Variants in SLC27A2 observed in about 807,000 individuals in gnomAD.
SLC27A2 encodes the protein solute carrier family 27 member 2.
SLC27A2 carries 54 observed loss-of-function variants against 60.0 expected under a neutral mutation model. The ratio of observed to expected loss-of-function variants is 0.90; its 90% CI spans 0.72 to 1.13. The LOEUF (loss-of-function observed/expected upper bound fraction) is 1.13. Among genes scored for constraint, SLC27A2 ranks in the 50% most tolerant of loss-of-function variants. The pLI is 0.00. For synonymous variants in SLC27A2, 297 were observed against 297.6 expected, an observed-to-expected ratio of 1.00 and a Z score of 0.02; for missense variants, 739 against 777.6, an observed-to-expected ratio of 0.95 and a Z score of 0.59.
At chr15:50,206,886 T>C (rs1379841408) in intron 4 of SLC27A2, among the ~76,000 whole-genome samples, 1 of 152,210 alleles carries the variant, frequency 6.6e-6, no homozygotes, top group East Asian at 1.9e-4. Context: ...ATTATTCTGA[T>C]TTTTTGGCAT....
At chr15:50,219,975 T>A (rs1456716165) in intron 4 of SLC27A2, among the ~76,000 whole-genome samples, 4 of 152,210 alleles carry the variant, frequency 2.6e-5, no homozygotes, top group Non-Finnish European at 5.9e-5. Flanking sequence ...GTTCGCCCTA[T>A]GGGAAAGGAA....
intron 4 of SLC27A2, among the ~76,000 whole-genome samples, chr15:50,221,699 G>A (rs1007886636): frequency 6.6e-6 from 1 of 152,206 alleles, no homozygotes; most frequent in African/African-American, 2.4e-5. Context: ...AACAGTTGAT[G>A]TGAGAGGACA....
chr15:50,204,869 A>C (rs2045098354), intron 3 of SLC27A2, among the ~76,000 whole-genome samples: 1 of 148,188 alleles, frequency 6.7e-6, no homozygotes, highest in African/African-American at 2.5e-5. Context: ...ATATATATAT[A>C]CTTGAGACAG....
intron 4 of SLC27A2, 28 bp from the exon 5 acceptor site, chr15:50,222,937 T>G (rs761693290): frequency 6.4e-7 from 1 of 1,561,926 alleles, no homozygotes; most frequent in Non-Finnish European, 8.7e-7. Flanking sequence ...ATGTTTCAGT[T>G]TGGTCTCCTT....
At position 50,223,169 on chromosome 15, in the gene SLC27A2, T is replaced by A; in HGVS notation, c.1167+10T>A. 1 of 1,598,550 alleles carries A rather than the reference T, an allele frequency of 6.3e-7. No individual in the cohort carries two copies. The highest frequency in any genetic ancestry group is 8.5e-7 in the Non-Finnish European group (1 of 1,170,098). On this transcript the variant is annotated intron_variant, in intron 5 of 9. Transcript: ENST00000267842. ...AAACTACCTACAGAAAGTAAGTACA[T>A]TGAAAAATGAGAGCATACGTAGCCA... is the stretch of plus-strand genomic sequence containing the variant.
At chr15:50,188,052 T>C (rs2044940164) in intron 1 of SLC27A2, among the ~76,000 whole-genome samples, 1 of 150,820 alleles carries the variant, frequency 6.6e-6, no homozygotes. Flanking sequence ...AGAAATAAGA[T>C]GAATTAGTTC....
chr15:50,207,306 A>G (rs894236752), intron 4 of SLC27A2, among the ~76,000 whole-genome samples: 4 of 152,210 alleles, frequency 2.6e-5, no homozygotes, highest in African/African-American at 7.2e-5. Flanking sequence ...GAAAACAAAG[A>G]CAATTTCACT....
At chr15:50,184,335 T>A (rs1038530571) in intron 1 of SLC27A2, among the ~76,000 whole-genome samples, 39 of 152,148 alleles carry the variant, frequency 2.6e-4, no homozygotes, top group Non-Finnish European at 5.0e-4. Context: ...GGATGTAAAC[T>A]GTTAAGTGTG....
chr15:50,217,129 T>C (rs2045204450), intron 4 of SLC27A2, among the ~76,000 whole-genome samples: 1 of 151,942 alleles, frequency 6.6e-6, no homozygotes, highest in South Asian at 2.1e-4. Context: ...GATAAAAGAC[T>C]ACAAATATGG....
chr15:50,199,765 C>T (rs546341358), intron 2 of SLC27A2, among the ~76,000 whole-genome samples: 3 of 151,806 alleles, frequency 2.0e-5, no homozygotes, highest in Non-Finnish European at 2.9e-5. Context: ...CACATCTTTA[C>T]AAAAACATTA....
At position 50,228,677 on chromosome 15, in the gene SLC27A2, G is replaced by T. The variant is rs1453665204; in HGVS notation, c.1458-268G>T. 3.3e-5 allele frequency among the ~76,000 whole-genome samples: 5 copies of T among 152,214 alleles called. No individual in the cohort carries two copies. In the East Asian group the frequency reaches 9.6e-4, roughly 29 times the overall value. On this transcript the variant is annotated intron_variant, in intron 7 of 9. Coordinates refer to ENST00000267842, the MANE Select transcript of SLC27A2 (RefSeq NM_003645.4). ...TCCACTGCCTTTCTTAGCTAGGGCT[G>T]TATTTTAACATTAGAACATTATTCT...
intron 7 of SLC27A2, among the ~76,000 whole-genome samples, chr15:50,228,526 C>A (rs1181621268): frequency 6.6e-6 from 1 of 151,124 alleles, no homozygotes; most frequent in East Asian, 1.9e-4. Flanking sequence ...TGCCGTGAGA[C>A]CCTGAAATAA....
Position 50,182,495 on chromosome 15 carries a change from G to A in SLC27A2, c.68G>A (p.Cys23Tyr), listed in dbSNP as rs902516928. 9.3e-6 allele frequency: 15 copies of A among 1,611,392 alleles called. No individual in the cohort carries two copies. The highest frequency in any genetic ancestry group is 1.3e-5 in the Non-Finnish European group (15 of 1,178,976). ...CTGCCGCTCCTGGTGAACCTCTGCTGCCCATACTTCTTCCAGGACATAGGC... is the reference window on the plus strand; with the variant it reads ...CTGCCGCTCCTGGTGAACCTCTGCTACCCATACTTCTTCCAGGACATAGGC... ...LFLPLLVNLCCPYFFQDIGYF... is the reference protein window; with the variant it reads ...LFLPLLVNLCYPYFFQDIGYF... The change falls in exon 1 of 10, where the codon TGC (cysteine) becomes TAC (tyrosine). Residue 23 changes from cysteine to tyrosine, a missense_variant. Cys to Tyr is a radical substitution (Grantham distance 194). Transcript: ENST00000267842.
In SLC27A2 at chr15:50,226,853, C is replaced by G. The variant is rs1289223781; in HGVS notation, c.1259-127C>G. ...TACATATAATTCACAGGTATACATG[C>G]ATGGAAAATGATACTTCCTACAGCC... On this transcript the variant is annotated intron_variant, in intron 6 of 9. Transcript: ENST00000267842. The G allele has an allele frequency of 7.5e-6, 5 of 666,154 alleles. No homozygotes were observed. In the Admixed American group the frequency reaches 1.4e-4, roughly 19 times the overall value. The allele number at this position is 666,154 out of a possible 1,614,324, so 41.3% of individuals were successfully genotyped here.
In SLC27A2 at chr15:50,227,158, C is replaced by A. The variant is rs1595692469; in HGVS notation, c.1437C>A (p.Asp479Glu). ...VDHENFIYFH[D>E]RVGDTFRWKG... The stretch of plus-strand genomic sequence containing the variant: ...ATGAAAATTTCATCTATTTCCACGA[C>A]AGAGTTGGAGATACATTCCGGTTGG... Residue 479 changes from aspartate to glutamate, a missense_variant, in exon 7 of 10, where the codon GAC becomes GAA. Transcript: ENST00000267842. 7 of 1,613,970 alleles carry A rather than the reference C, an allele frequency of 4.3e-6. 2 individuals are homozygous for A. In the Admixed American group the frequency reaches 1.2e-4, roughly 27 times the overall value.
intron 4 of SLC27A2, among the ~76,000 whole-genome samples, chr15:50,218,866 G>A (rs1455133972): frequency 2.6e-5 from 4 of 152,160 alleles, no homozygotes; most frequent in African/African-American, 7.2e-5. Flanking sequence ...CCAGACTGGA[G>A]CAGAGGAGAC....
intron 9 of SLC27A2, 89 bp from the exon 10 acceptor site, chr15:50,235,831 A>G (rs1195678573): frequency 9.8e-6 from 9 of 915,026 alleles, no homozygotes; most frequent in Non-Finnish European, 1.3e-5. Context: ...ATGATTTGCT[A>G]GATCCCCATG....
At chr15:50,225,927 C>T (rs2140912538) in intron 5 of SLC27A2, 61 bp from the exon 6 acceptor site, 1 of 1,205,530 alleles carries the variant, frequency 8.3e-7, no homozygotes, top group Non-Finnish European at 1.2e-6. Flanking sequence ...TGTGTTATAC[C>T]ACAATTAAAA....
intron 4 of SLC27A2, among the ~76,000 whole-genome samples, chr15:50,209,693 A>G (rs1453287067): frequency 6.6e-6 from 1 of 152,200 alleles, no homozygotes; most frequent in African/African-American, 2.4e-5. Flanking sequence ...GTGAGAATAC[A>G]CAGAAGGATG....
Sources: gnomAD v4.1 joint callset for allele counts (sites outside exome capture counted in the v4.1 genomes callset) on GRCh38, gnomAD v4.1.1 for gene constraint, MANE v1.5 for transcripts, NCBI Gene and HGNC (gene_info 2026-07-23, HGNC 2026-07-21) for gene names.